The following MCTP2 variants were observed in gnomAD, a reference collection of about 807,000 sequenced individuals.
MCTP2 encodes multiple C2 and transmembrane domain-containing protein 2.
In MCTP2, 132 loss-of-function variants were observed where a neutral mutation model predicts 111.6. The observed-to-expected ratio is 1.18, with a 90% CI of 1.03 to 1.37. MCTP2 has a LOEUF of 1.37. Among genes scored for constraint, MCTP2 ranks in the 40% most tolerant of loss-of-function variants. The pLI is 0.00. For missense variants in MCTP2, 1,183 were observed against 1,067.9 expected (o/e 1.11, Z -1.50); for synonymous variants, 395 against 387.7 (o/e 1.02, Z -0.22).
chr15:94,436,865 T>TC (rs140677125), intron 17 of MCTP2, among the ~76,000 whole-genome samples: 1 of 149,408 alleles, frequency 6.7e-6, no homozygotes, highest in East Asian at 2.0e-4. Flanking sequence ...AAACCCTTAA[T>TC]CCCCCCAAAA....
At chr15:94,252,787 A>T (rs1463479137) in intron 1 of MCTP2, among the ~76,000 whole-genome samples, 3 of 152,210 alleles carry the variant, frequency 2.0e-5, no homozygotes, top group African/African-American at 7.2e-5. Flanking sequence ...AGACATGAAA[A>T]GTATGATATA....
At chr15:94,428,419 T>G (rs2082995593) in intron 17 of MCTP2, among the ~76,000 whole-genome samples, 1 of 152,194 alleles carries the variant, frequency 6.6e-6, no homozygotes, top group African/African-American at 2.4e-5. Context: ...TGCTTTTAAG[T>G]GTTCCTCTTT....
intron 19 of MCTP2, among the ~76,000 whole-genome samples, chr15:94,452,642 C>G (rs2084534572): frequency 6.6e-6 from 1 of 152,188 alleles, no homozygotes; most frequent in Admixed American, 6.5e-5. Flanking sequence ...GCTGAGAACA[C>G]AGGATCAGAT....
intron 1 of MCTP2, among the ~76,000 whole-genome samples, chr15:94,274,664 A>T (rs745391333): frequency 5.3e-5 from 8 of 152,138 alleles, no homozygotes; most frequent in Admixed American, 2.0e-4. Flanking sequence ...AACAAAACTG[A>T]CAAAAGAGGA....
At chr15:94,345,276 T>C in intron 8 of MCTP2, 112 bp downstream of exon 8, 1 of 1,081,832 alleles carries the variant, frequency 9.2e-7, no homozygotes, top group Non-Finnish European at 1.4e-6. Flanking sequence ...AACAGAATTC[T>C]TTTCCTCTTA....
At chr15:94,475,436 G>T (rs1487256514) in intron 21 of MCTP2, among the ~76,000 whole-genome samples, 1 of 152,154 alleles carries the variant, frequency 6.6e-6, no homozygotes, top group Non-Finnish European at 1.5e-5. Context: ...CATGCAGGAA[G>T]CCTAGTCCTC....
chr15:94,480,295 AG>A lies in MCTP2; in HGVS notation c.*1262del, dbSNP rs1412750993. ...ATTATAAAAAAAGTTAAGGTTAAAAAGATCTCATTTAATAGTGAGTTCACTA... is the reference window on the plus strand; with the variant it reads ...ATTATAAAAAAAGTTAAGGTTAAAAAATCTCATTTAATAGTGAGTTCACTA... On this transcript the variant is annotated 3_prime_UTR_variant, in exon 23 of 23. Transcript: ENST00000357742. 1.3e-5 allele frequency: 2 copies of A among 151,940 alleles called. No individual in the cohort carries two copies. The highest frequency in any genetic ancestry group is 2.4e-5 in the African/African-American group (1 of 41,366). 9.4% of individuals were successfully genotyped at this position (151,940 alleles called of 1,614,324 possible).
intron 2 of MCTP2, among the ~76,000 whole-genome samples, chr15:94,303,625 T>C (rs1385885321): frequency 6.6e-6 from 1 of 152,182 alleles, no homozygotes; most frequent in East Asian, 1.9e-4. Context: ...GAGAACAGCA[T>C]GGGAAAGAGT....
intron 17 of MCTP2, among the ~76,000 whole-genome samples, chr15:94,417,287 T>C (rs1215200677): frequency 6.6e-6 from 1 of 152,160 alleles, no homozygotes; most frequent in African/African-American, 2.4e-5. Flanking sequence ...TTTCTATTTA[T>C]GCCATCAAAT....
At chr15:94,460,814 C>G (rs1468953919) in intron 20 of MCTP2, among the ~76,000 whole-genome samples, 1 of 152,216 alleles carries the variant, frequency 6.6e-6, no homozygotes, top group Non-Finnish European at 1.5e-5. Context: ...TGCTAAGGCT[C>G]AACTCCTATT....
chr15:94,274,517 A>G (rs968125323), intron 1 of MCTP2, among the ~76,000 whole-genome samples: 2 of 152,166 alleles, frequency 1.3e-5, no homozygotes, highest in Non-Finnish European at 2.9e-5. Flanking sequence ...TATTACCAAT[A>G]TGAGCAATAA....
At chr15:94,278,697 C>T (rs1466710763) in intron 1 of MCTP2, among the ~76,000 whole-genome samples, 1 of 115,340 alleles carries the variant, frequency 8.7e-6, no homozygotes, top group South Asian at 3.2e-4. Flanking sequence ...TAGTACCTAA[C>T]AGGTAGTTTT....
intron 16 of MCTP2, among the ~76,000 whole-genome samples, chr15:94,400,745 G>C (rs1465665216): frequency 6.6e-6 from 1 of 151,412 alleles, no homozygotes; most frequent in Non-Finnish European, 1.5e-5. Flanking sequence ...CCTTTTTCAA[G>C]AGTTTATTAC....
chr15:94,288,483 A>G lies in MCTP2; in HGVS notation c.-65-9718A>G, dbSNP rs138772387. Among the ~76,000 whole-genome samples the G allele has an allele frequency of 8.5e-4, 129 of 152,342 alleles. 1 individual carries two copies. The highest frequency in any genetic ancestry group is 3.3e-4 in the Admixed American group (5 of 15,306). ...CTAAATGAACCTGCATAGCTATTGA[A>G]AACTAAACTGATAATTGGAACCATA... On this transcript the variant is annotated intron_variant, in intron 1 of 22. Coordinates refer to ENST00000357742, the MANE Select transcript of MCTP2 (RefSeq NM_001385001.1).
At chr15:94,244,973 C>A (rs2071676137) in intron 1 of MCTP2, among the ~76,000 whole-genome samples, 1 of 110,316 alleles carries the variant, frequency 9.1e-6, no homozygotes, top group Admixed American at 8.8e-5. Context: ...TATATGTATA[C>A]ACATACATAT....
At chr15:94,354,516 G>T (rs1188188659) in intron 8 of MCTP2, among the ~76,000 whole-genome samples, 1 of 152,116 alleles carries the variant, frequency 6.6e-6, no homozygotes, top group Admixed American at 6.5e-5. Context: ...TGAAGAAGGT[G>T]CCTTGCTTCC....
chr15:94,347,895 C>T (rs1440391553), intron 8 of MCTP2, among the ~76,000 whole-genome samples: 1 of 128,374 alleles, frequency 7.8e-6, no homozygotes, highest in African/African-American at 2.8e-5. Context: ...CACACACACA[C>T]AGACATACAC....
At chr15:94,258,812 G>T (rs561531103) in intron 1 of MCTP2, among the ~76,000 whole-genome samples, 85 of 152,236 alleles carry the variant, frequency 5.6e-4, no homozygotes, top group African/African-American at 2.0e-3. Context: ...TTTGTTATTT[G>T]TTTTCCAACA....
intron 1 of MCTP2, among the ~76,000 whole-genome samples, chr15:94,254,453 T>C (rs2152272109): frequency 6.6e-6 from 1 of 152,270 alleles, no homozygotes; most frequent in African/African-American, 2.4e-5. Flanking sequence ...TTACATAGGA[T>C]TGGTATTTTT....
Sources: gnomAD v4.1 joint callset for allele counts (sites outside exome capture counted in the v4.1 genomes callset) on GRCh38, gnomAD v4.1.1 for gene constraint, MANE v1.5 for transcripts, NCBI Gene and HGNC (gene_info 2026-07-23, HGNC 2026-07-21) for gene names.